Variants in CFAP221 observed in about 807,000 individuals in gnomAD.
The protein encoded by CFAP221 is cilia and flagella associated protein 221.
In CFAP221, 97 loss-of-function variants were observed where a neutral mutation model predicts 113.1. That is an observed-to-expected ratio of 0.86 (90% CI 0.73 to 1.02). The LOEUF is 1.02. CFAP221 is among the 50% of genes least tolerant of loss of function. CFAP221 has a pLI of 0.00. For missense variants in CFAP221, 1,025 were observed against 1,013.4 expected (o/e 1.01, Z -0.16); for synonymous variants, 331 against 354.4 (o/e 0.93, Z 0.74).
chr2:119,599,358 G>A (rs778559364), intron 7 of CFAP221, among the ~76,000 whole-genome samples: 24 of 152,292 alleles, frequency 1.6e-4, no homozygotes, highest in Middle Eastern at 3.4e-3. Flanking sequence ...AGAGGCATAG[G>A]GAGTTTGGTG....
chr2:119,583,198 A>T (rs556005569), intron 6 of CFAP221, among the ~76,000 whole-genome samples: 2 of 152,292 alleles, frequency 1.3e-5, no homozygotes, highest in South Asian at 4.1e-4. Flanking sequence ...AATTTCCTTG[A>T]CCTGATAAAG....
chr2:119,607,010 A>G (rs1017728654), intron 11 of CFAP221, among the ~76,000 whole-genome samples: 1 of 152,186 alleles, frequency 6.6e-6, no homozygotes, highest in African/African-American at 2.4e-5. Flanking sequence ...CCTAAGAACA[A>G]AGACATTCTC....
At chr2:119,613,378 C>G (rs926882622) in intron 13 of CFAP221, among the ~76,000 whole-genome samples, 1 of 152,254 alleles carries the variant, frequency 6.6e-6, no homozygotes, top group Non-Finnish European at 1.5e-5. Context: ...TCCCTTTGTA[C>G]TGCTCTAGCA....
chr2:119,613,727 C>T (rs1405259459), intron 13 of CFAP221, among the ~76,000 whole-genome samples: 7 of 152,192 alleles, frequency 4.6e-5, no homozygotes, highest in Admixed American at 4.6e-4. Context: ...GCCATGAAGA[C>T]CTCTGACATG....
chr2:119,656,824 G>C (rs967510982), downstream of CFAP221, among the ~76,000 whole-genome samples: 5 of 152,076 alleles, frequency 3.3e-5, no homozygotes, highest in South Asian at 2.1e-4. Context: ...TCCCACCTCT[G>C]CAGAAGCAGC....
chr2:119,560,892 G>T (rs1681197469), intron 5 of CFAP221, among the ~76,000 whole-genome samples: 1 of 151,842 alleles, frequency 6.6e-6, no homozygotes, highest in Non-Finnish European at 1.5e-5. Flanking sequence ...ATAGGGGGAG[G>T]GAAAGAATCT....
At chr2:119,606,485 C>G (rs888769723) in intron 11 of CFAP221, among the ~76,000 whole-genome samples, 2 of 152,136 alleles carry the variant, frequency 1.3e-5, no homozygotes, top group Non-Finnish European at 2.9e-5. Context: ...GAAATCCCTT[C>G]TGTCTCAGCT....
At chr2:119,601,638 G>C (rs1453096157) in intron 8 of CFAP221, 1 of 339,414 alleles carries the variant, frequency 2.9e-6, no homozygotes, top group Non-Finnish European at 5.3e-6. Flanking sequence ...GATCACTACT[G>C]GTGCACTGTT....
intron 15 of CFAP221, 83 bp downstream of exon 15, chr2:119,625,771 T>C: frequency 8.5e-7 from 1 of 1,171,576 alleles, no homozygotes; most frequent in Non-Finnish European, 1.2e-6. Context: ...AAGTTAGCTC[T>C]ATGCAAATAA....
chr2:119,559,336 C>T (rs1474203037), intron 3 of CFAP221, among the ~76,000 whole-genome samples: 1 of 151,944 alleles, frequency 6.6e-6, no homozygotes, highest in African/African-American at 2.4e-5. Flanking sequence ...TGACTTAGCT[C>T]GATTGAATCG....
At chr2:119,573,172 T>TG (rs1007252551) in intron 6 of CFAP221, 3 of 152,490 alleles carry the variant, frequency 2.0e-5, no homozygotes, top group African/African-American at 7.2e-5. Flanking sequence ...CCCCCAGTCT[T>TG]GCATTGTGCC....
In CFAP221 at chr2:119,629,896, G is replaced by C. The variant is rs1265082176; in HGVS notation, c.1672G>C (p.Val558Leu). 13 of 1,613,394 alleles carry C rather than the reference G, an allele frequency of 8.1e-6. No individual in the cohort carries two copies. The highest frequency in any genetic ancestry group is 2.2e-5 in the East Asian group (1 of 44,886). The change falls in exon 17 of 24, where the codon GTC becomes CTC. Residue 558 changes from valine (V) to leucine (L), a missense_variant. Physicochemically the swap from Val to Leu is conservative, Grantham distance 32 (BLOSUM62 1). Transcript: ENST00000413369. Reference sequence around the variant, plus strand: ...TTAGGCTCCTGATGGCCTTGGACTGGTCCCAATTAAGTCTTCAGAAGTTCA... The same window carrying C: ...TTAGGCTCCTGATGGCCTTGGACTGCTCCCAATTAAGTCTTCAGAAGTTCA... ...NELAPDGLGL[V>L]PIKSSEVQIK...
chr2:119,657,529 A>G (rs1377229208), downstream of CFAP221, among the ~76,000 whole-genome samples: 1 of 152,236 alleles, frequency 6.6e-6, no homozygotes, highest in African/African-American at 2.4e-5. Flanking sequence ...ATATTTTTAA[A>G]CTAAAGGAAA....
chr2:119,602,361 C>T (rs1346376743), intron 8 of CFAP221, among the ~76,000 whole-genome samples: 2 of 152,058 alleles, frequency 1.3e-5, no homozygotes, highest in Non-Finnish European at 2.9e-5. Flanking sequence ...GGTGCCAGAG[C>T]GAGACATCAT....
intron 6 of CFAP221, among the ~76,000 whole-genome samples, chr2:119,577,605 A>G (rs529325917): frequency 1.2e-4 from 19 of 152,176 alleles, no homozygotes; most frequent in Non-Finnish European, 2.2e-4. Flanking sequence ...TTTATTAACC[A>G]TGTGACCTTG....
rs1686696133 is a variant in CFAP221, at chr2:119,630,581, G to A, written c.1743G>A (p.Leu581=). The change falls in exon 18 of 24, where the codon CTG becomes CTA. Residue 581 remains leucine (L), a synonymous_variant. Coordinates refer to ENST00000413369, the MANE Select transcript of CFAP221 (RefSeq NM_001271049.2). ...TCTTTCACCTTCAGGTTCCTCAACT[G>A]TACAAAATTAAGAGATATCAGCCAT... The part of the protein sequence containing the change: ...YSFFNLQVPQ[L]YKIKRYQPFS... 3 of 1,609,896 alleles carry A rather than the reference G, an allele frequency of 1.9e-6. No homozygotes were observed. The highest frequency in any genetic ancestry group is 1.7e-6 in the Non-Finnish European group (2 of 1,176,214).
chr2:119,616,595 A>G (rs1685542890), intron 14 of CFAP221, among the ~76,000 whole-genome samples: 1 of 152,178 alleles, frequency 6.6e-6, no homozygotes, highest in South Asian at 2.1e-4. Context: ...ATGCCAGTAA[A>G]GGGTGTCATG....
In CFAP221 at chr2:119,618,792, G is replaced by T. The variant is rs138534904; in HGVS notation, c.1410+3083G>T. Among the ~76,000 whole-genome samples the T allele has an allele frequency of 3.9e-5, 6 of 152,156 alleles. No individual in the cohort carries two copies. In the East Asian group the frequency reaches 9.7e-4, roughly 25 times the overall value. ...GCCAGGGAGCCAAGTCATCTAGCTC[G>T]GCGAATCCCACCCCCATGGAGCCCA... On this transcript the variant is annotated intron_variant, in intron 14 of 23. Coordinates refer to ENST00000413369, the MANE Select transcript of CFAP221 (RefSeq NM_001271049.2).
At chr2:119,650,354 T>C (rs1480643500) in intron 22 of CFAP221, among the ~76,000 whole-genome samples, 1 of 152,252 alleles carries the variant, frequency 6.6e-6, no homozygotes, top group Non-Finnish European at 1.5e-5. Flanking sequence ...CTCAAATCAC[T>C]GCATGACAGC....
Sources: gnomAD v4.1 joint callset for allele counts (sites outside exome capture counted in the v4.1 genomes callset) on GRCh38, gnomAD v4.1.1 for gene constraint, MANE v1.5 for transcripts, NCBI Gene and HGNC (gene_info 2026-07-23, HGNC 2026-07-21) for gene names.